CTNNA2: variants seen among roughly 807,000 people sequenced by gnomAD.
The protein encoded by CTNNA2 is catenin alpha 2.
A neutral mutation model predicts 101.0 loss-of-function variants in CTNNA2; 42 were observed. That is an observed-to-expected ratio of 0.42 (90% CI 0.32 to 0.54). The LOEUF is 0.54. Among genes scored for constraint, CTNNA2 ranks in the 20% least tolerant of loss-of-function variants. The pLI, the probability that CTNNA2 is intolerant of heterozygous loss-of-function variation, is 0.14. For missense variants in CTNNA2, 871 were observed against 1,223.1 expected (o/e 0.71, Z 4.29); for synonymous variants, 450 against 456.4 (o/e 0.99, Z 0.18).
At chr2:79,557,482 G>T (rs1573337923) in intron 1 of CTNNA2, among the ~76,000 whole-genome samples, 1 of 151,670 alleles carries the variant, frequency 6.6e-6, no homozygotes, top group East Asian at 1.9e-4. Context: ...AAAAAAAAAT[G>T]ACCTACACTT....
At chr2:79,661,488 AT>A (rs2104529386) in intron 2 of CTNNA2, among the ~76,000 whole-genome samples, 1 of 152,338 alleles carries the variant, frequency 6.6e-6, no homozygotes, top group South Asian at 2.1e-4. Context: ...CTTATTTTTA[AT>A]TTAAAAAGAC....
chr2:79,765,568 C>A (rs1673093575), intron 3 of CTNNA2, among the ~76,000 whole-genome samples: 1 of 152,160 alleles, frequency 6.6e-6, no homozygotes, highest in Non-Finnish European at 1.5e-5. Flanking sequence ...GACTCCTAGA[C>A]TGCCCTTCCA....
At chr2:79,992,556 A>G (rs959927366) in intron 7 of CTNNA2, among the ~76,000 whole-genome samples, 1 of 152,224 alleles carries the variant, frequency 6.6e-6, no homozygotes, top group Admixed American at 6.5e-5. Flanking sequence ...CACTGTGTGA[A>G]TAGTAGCTCA....
At chr2:80,072,923 C>T (rs751391756) in intron 7 of CTNNA2, among the ~76,000 whole-genome samples, 3 of 152,184 alleles carry the variant, frequency 2.0e-5, no homozygotes, top group Non-Finnish European at 4.4e-5. Context: ...CATCCCCCAA[C>T]TCAGAGTCAA....
chr2:79,660,226 A>G (rs1681927584), intron 2 of CTNNA2, among the ~76,000 whole-genome samples: 1 of 148,866 alleles, frequency 6.7e-6, no homozygotes, highest in Non-Finnish European at 1.5e-5. Flanking sequence ...ATTTGTATAT[A>G]TGTATGTATA....
chr2:80,605,151 G>A (rs1697893337), intron 16 of CTNNA2: 1 of 151,942 alleles, frequency 6.6e-6, no homozygotes, highest in African/African-American at 2.4e-5. Context: ...TACATTAAAA[G>A]AGTTCTCACC....
At chr2:80,372,091 T>A (rs1445847950) in intron 7 of CTNNA2, among the ~76,000 whole-genome samples, 2 of 152,118 alleles carry the variant, frequency 1.3e-5, no homozygotes, top group Non-Finnish European at 2.9e-5. Flanking sequence ...TAAGAAATTT[T>A]GAAGGAATCA....
rs116333614 is a variant in CTNNA2, at chr2:79,252,581, C to T, written c.-406+54505C>T. Among the ~76,000 whole-genome samples, 480 of 152,046 alleles carry T rather than the reference C, an allele frequency of 3.2e-3. 2 individuals are homozygous for T. The highest frequency in any genetic ancestry group is 0.011 in the African/African-American group (450 of 41,484). Reference sequence around the variant, plus strand: ...TCCCAGGACCATTTCCTGAGTAATTCGAGCTTCATTTGTAAGTTTTTTTAA... The same window carrying T: ...TCCCAGGACCATTTCCTGAGTAATTTGAGCTTCATTTGTAAGTTTTTTTAA... On this transcript the variant is annotated intron_variant, in intron 2 of 21. Coordinates refer to the CTNNA2 transcript ENST00000466387.
intron 6 of CTNNA2, among the ~76,000 whole-genome samples, chr2:79,886,668 A>G (rs1351425912): frequency 3.0e-5 from 4 of 135,432 alleles, no homozygotes; most frequent in Admixed American, 2.3e-4. Context: ...GGAGAATGGC[A>G]TGAACCCGGG....
intron 4 of CTNNA2, among the ~76,000 whole-genome samples, chr2:79,446,936 G>T (rs1194763167): frequency 6.6e-6 from 1 of 151,958 alleles, no homozygotes; most frequent in Non-Finnish European, 1.5e-5. Flanking sequence ...AGAGAAAATA[G>T]CCTGTCCAGT....
chr2:80,259,201 T>C (rs766461755), intron 7 of CTNNA2, among the ~76,000 whole-genome samples: 2 of 152,276 alleles, frequency 1.3e-5, no homozygotes, highest in East Asian at 1.9e-4. Context: ...AGTAGCATTA[T>C]GTAATTAGAC....
At chr2:80,088,120 G>GA (rs1699561667) in intron 7 of CTNNA2, among the ~76,000 whole-genome samples, 1 of 151,936 alleles carries the variant, frequency 6.6e-6, no homozygotes, top group Non-Finnish European at 1.5e-5. Flanking sequence ...CCTAAGTTCA[G>GA]AAAAACTCAC....
chr2:79,424,101 A>G (rs1374788037), intron 4 of CTNNA2, among the ~76,000 whole-genome samples: 1 of 152,172 alleles, frequency 6.6e-6, no homozygotes, highest in South Asian at 2.1e-4. Flanking sequence ...AGAGAGAGGA[A>G]GCCAATGCTA....
At chr2:80,613,441 A>G (rs1485620601) in intron 17 of CTNNA2, among the ~76,000 whole-genome samples, 4 of 151,236 alleles carry the variant, frequency 2.6e-5, no homozygotes, top group Non-Finnish European at 5.9e-5. Flanking sequence ...AGAAAGTAAA[A>G]ATTTCTTTGG....
chr2:79,872,131 ATT>A (rs1305710467), intron 5 of CTNNA2, among the ~76,000 whole-genome samples: 5 of 152,286 alleles, frequency 3.3e-5, no homozygotes, highest in Admixed American at 1.3e-4. Context: ...AAATATGCGT[ATT>A]GTGTTCTGCT....
At chr2:80,026,006 A>T (rs370863204) in intron 7 of CTNNA2, among the ~76,000 whole-genome samples, 1 of 152,322 alleles carries the variant, frequency 6.6e-6, no homozygotes, top group South Asian at 2.1e-4. Flanking sequence ...TAAGTATTAC[A>T]TAACAGGGAT....
chr2:79,200,861 C>A (rs1202869395), intron 2 of CTNNA2, among the ~76,000 whole-genome samples: 2 of 151,728 alleles, frequency 1.3e-5, no homozygotes, highest in Non-Finnish European at 2.9e-5. Flanking sequence ...TTAGCAAAGA[C>A]AAATTGCCAA....
At chr2:79,833,430 A>G (rs568062007) in intron 3 of CTNNA2, among the ~76,000 whole-genome samples, 16 of 152,250 alleles carry the variant, frequency 1.1e-4, no homozygotes, top group Admixed American at 4.6e-4. Flanking sequence ...TAATGCTTTC[A>G]GCATCCTTCT....
chr2:80,179,662 T>C (rs1051095409), intron 7 of CTNNA2, among the ~76,000 whole-genome samples: 2 of 152,176 alleles, frequency 1.3e-5, no homozygotes, highest in Non-Finnish European at 2.9e-5. Flanking sequence ...TGTGAGCCAC[T>C]GTGCCCGGCC....
Sources: allele counts gnomAD v4.1 joint callset (sites outside exome capture counted in the v4.1 genomes callset), GRCh38; gene constraint gnomAD v4.1.1; transcripts MANE v1.5; gene names NCBI Gene and HGNC (gene_info 2026-07-23, HGNC 2026-07-21).